The following LRP3 variants were observed in gnomAD, a reference collection of about 807,000 sequenced individuals.
The protein encoded by LRP3 is LDL receptor related protein 3.
A neutral mutation model predicts 58.5 loss-of-function variants in LRP3; 49 were observed. That is an observed-to-expected ratio of 0.84 (90% CI 0.67 to 1.06). The LOEUF (loss-of-function observed/expected upper bound fraction) is 1.06. Ranked by LOEUF, LRP3 falls within the 50% of genes least tolerant of loss-of-function variation. LRP3 has a pLI of 0.00. For synonymous variants in LRP3, 485 were observed against 492.2 expected (o/e 0.99, Z 0.20); for missense variants, 1,019 against 1,134.2 (o/e 0.90, Z 1.46).
intron 2 of LRP3, among the ~76,000 whole-genome samples, chr19:33,198,572 C>G (rs1974309052): frequency 6.6e-6 from 1 of 152,200 alleles, no homozygotes; most frequent in Non-Finnish European, 1.5e-5. Context: ...AAACATTCCC[C>G]CAGCCCCTTC....
chr19:33,206,459 C>T, intron 5 of LRP3, 97 bp downstream of exon 5: 2 of 1,594,196 alleles, frequency 1.3e-6, no homozygotes. Flanking sequence ...CCTGGACTAG[C>T]TACATGGAGG....
At chr19:33,204,894 C>A in intron 4 of LRP3, 42 bp downstream of exon 4, 1 of 1,570,680 alleles carries the variant, frequency 6.4e-7, no homozygotes, top group Non-Finnish European at 8.7e-7. Context: ...ACGGAGCACA[C>A]CGTGCATGCC....
At chr19:33,196,867 ACCCCGAGTTC>A in intron 2 of LRP3, 90 bp downstream of exon 2, 1 of 1,191,394 alleles carries the variant, frequency 8.4e-7, no homozygotes, top group South Asian at 1.2e-5. Flanking sequence ...TCCTGGCACT[ACCCCGAGTTC>A]CTGTGTGCAT....
chr19:33,198,692 C>A (rs1156672502), intron 2 of LRP3, among the ~76,000 whole-genome samples: 1 of 152,190 alleles, frequency 6.6e-6, no homozygotes, highest in Non-Finnish European at 1.5e-5. Context: ...TATGTTGGGC[C>A]CTGACTGGTC....
chr19:33,197,813 A>G (rs11879982), intron 2 of LRP3, among the ~76,000 whole-genome samples: 121,727 of 152,140 alleles, frequency 0.8, 49,273 homozygotes, highest in Middle Eastern at 0.87. Context: ...TGCTGTGGTC[A>G]AAGGGGAGGC....
intron 2 of LRP3, among the ~76,000 whole-genome samples, chr19:33,199,148 T>C (rs1030275755): frequency 6.6e-6 from 1 of 152,082 alleles, no homozygotes; most frequent in Non-Finnish European, 1.5e-5. Context: ...CTCTTCCCCA[T>C]TATCCCGCAA....
At position 33,207,655 on chromosome 19, in the gene LRP3, CCTTT is replaced by C; in HGVS notation, c.*84_*87del. The C allele has an allele frequency of 1.7e-6, 2 of 1,174,812 alleles. No homozygotes were observed. The highest frequency in any genetic ancestry group is 2.5e-6 in the Non-Finnish European group (2 of 814,788). The allele number at this position is 1,174,812 out of a possible 1,614,324, so 72.8% of individuals were successfully genotyped here. A position where few individuals can be genotyped will look rare whatever the true frequency, so the allele number is the denominator to read the frequency against. On this transcript the variant is annotated 3_prime_UTR_variant, in exon 7 of 7. Coordinates refer to ENST00000253193, the MANE Select transcript of LRP3 (RefSeq NM_002333.4). ...AGTCATTTCTACCCTGCCTCTGCGT[CCTTT>C]CTTATGGAGAGGCCCTCCGGGGACC...
chr19:33,205,093 C>T (rs559369355), intron 4 of LRP3, 153 bp from the exon 5 acceptor site: 2 of 893,902 alleles, frequency 2.2e-6, no homozygotes, highest in Admixed American at 5.1e-5. Context: ...TAACCCCAGG[C>T]TCAGGTCAGG....
chr19:33,195,428 C>G (rs1295134023), intron 1 of LRP3, among the ~76,000 whole-genome samples: 1 of 152,064 alleles, frequency 6.6e-6, no homozygotes, highest in Non-Finnish European at 1.5e-5. Context: ...CAAGGCCAGG[C>G]ATGGGGTGGG....
At chr19:33,202,219 G>A (rs948308512) in intron 2 of LRP3, among the ~76,000 whole-genome samples, 2 of 152,234 alleles carry the variant, frequency 1.3e-5, no homozygotes, top group Admixed American at 1.3e-4. Context: ...GGCGTTTCCA[G>A]CCACAGCTGG....
intron 2 of LRP3, among the ~76,000 whole-genome samples, chr19:33,202,156 C>G (rs765470787): frequency 7.2e-5 from 11 of 152,212 alleles, no homozygotes; most frequent in Non-Finnish European, 1.5e-4. Flanking sequence ...CGGCTTTGCA[C>G]TTGTACTCAG....
rs1410429246 is a variant in LRP3 at position 33,207,333 on chromosome 19, C to A, written c.2071C>A (p.Pro691Thr). Residue 691 changes from proline (P) to threonine (T), a missense_variant, in exon 7 of 7, where the codon CCA (proline) becomes ACA (threonine). Pro to Thr is a conservative substitution (Grantham distance 38). Coordinates refer to ENST00000253193, the MANE Select transcript of LRP3 (RefSeq NM_002333.4). ...GPPLPSGLRD[P>T]ECRPVDKDRK... ...ACCCTTGCCCTCGGGCCTGCGAGAC[C>A]CAGAGTGCAGGCCCGTGGACAAGGA... 4 of 1,580,790 alleles carry A rather than the reference C, an allele frequency of 2.5e-6. No homozygotes were observed. Among genetic ancestry groups the A allele is most frequent in the Non-Finnish European group, 3.4e-6 (4 of 1,170,370 alleles).
At position 33,206,279 on chromosome 19, in the gene LRP3, T is replaced by C. The variant is rs983878571; in HGVS notation, c.1509T>C (p.Ile503=). ...GCAAGGTCATCACGGCGGCGCTCAT[T>C]GGCAGCCTGGTGTGTGGCCTGCTGC... ...VPRKVITAAL[I]GSLVCGLLLV... Residue 503 remains isoleucine (I), a synonymous_variant, in exon 5 of 7, where the codon ATT becomes ATC. Coordinates refer to ENST00000253193, the MANE Select transcript of LRP3 (RefSeq NM_002333.4). 6.3e-7 allele frequency: 1 copy of C among 1,598,304 alleles called. No homozygotes were observed. The highest frequency in any genetic ancestry group is 8.5e-7 in the Non-Finnish European group (1 of 1,171,882).
Position 33,206,289 on chromosome 19 carries a change from G to A in LRP3, c.1519G>A (p.Val507Met). 6.3e-7 allele frequency: 1 copy of A among 1,598,480 alleles called. No homozygotes were observed. The highest frequency in any genetic ancestry group is 1.1e-5 in the South Asian group (1 of 90,572). Reference protein sequence around the residue: ...VITAALIGSLVCGLLLVIALG... With the variant: ...VITAALIGSLMCGLLLVIALG... ...CACGGCGGCGCTCATTGGCAGCCTGGTGTGTGGCCTGCTGCTGGTCATCGC... is the reference window on the plus strand; with the variant it reads ...CACGGCGGCGCTCATTGGCAGCCTGATGTGTGGCCTGCTGCTGGTCATCGC... Residue 507 changes from valine (V) to methionine (M), a missense_variant, in exon 5 of 7, where the codon GTG becomes ATG. Val to Met is a conservative substitution (Grantham distance 21, BLOSUM62 1). Coordinates refer to ENST00000253193, the MANE Select transcript of LRP3 (RefSeq NM_002333.4).
chr19:33,201,270 C>A (rs182541998), intron 2 of LRP3, among the ~76,000 whole-genome samples: 5 of 152,302 alleles, frequency 3.3e-5, no homozygotes, highest in African/African-American at 1.2e-4. Flanking sequence ...CGGAGGGCTT[C>A]CCTGGGAAGG....
chr19:33,203,082 C>A, intron 3 of LRP3, 96 bp downstream of exon 3: 1 of 1,413,742 alleles, frequency 7.1e-7, no homozygotes, highest in Non-Finnish European at 9.6e-7. Flanking sequence ...GGAGGGCACA[C>A]GCCTGAGGGT....
chr19:33,204,010 A>G (rs946047752), intron 3 of LRP3: 1 of 152,542 alleles, frequency 6.6e-6, no homozygotes, highest in Non-Finnish European at 1.5e-5. Context: ...AGAGCCCAAA[A>G]AGCGCAACCC....
chr19:33,204,818 C>T lies in LRP3; in HGVS notation c.441C>T (p.Gly147=). 1 of 1,613,590 alleles carries T rather than the reference C, an allele frequency of 6.2e-7. No individual in the cohort carries two copies. Among genetic ancestry groups the T allele is most frequent in the Non-Finnish European group, 8.5e-7 (1 of 1,179,980 alleles). Residue 147 remains glycine, a synonymous_variant, in exon 4 of 7, where the codon GGC becomes GGT. Coordinates refer to ENST00000253193, the MANE Select transcript of LRP3 (RefSeq NM_002333.4). ...TCCACTCAGACGCCTCCAGCTCCGG[C>T]CAGGCCCAGGGCTTCCGTCTGTCTT... ...IFFHSDASSS[G]QAQGFRLSYI... is the part of the protein sequence containing the mutation.
At chr19:33,201,036 A>G (rs912312966) in intron 2 of LRP3, among the ~76,000 whole-genome samples, 2 of 152,194 alleles carry the variant, frequency 1.3e-5, no homozygotes, top group Non-Finnish European at 2.9e-5. Flanking sequence ...CTCTCAGCTC[A>G]TGGCTCCAGC....
Sources: allele counts gnomAD v4.1 joint callset (sites outside exome capture counted in the v4.1 genomes callset), GRCh38; gene constraint gnomAD v4.1.1; transcripts MANE v1.5; gene names NCBI Gene and HGNC (gene_info 2026-07-23, HGNC 2026-07-21).